CFAP54: variants seen among roughly 807,000 people sequenced by gnomAD.
The protein encoded by CFAP54 is cilia- and flagella-associated protein 54.
In CFAP54, 290 loss-of-function variants were observed where a neutral mutation model predicts 370.4. That is an observed-to-expected ratio of 0.78 (90% CI 0.71 to 0.86). CFAP54 has a LOEUF of 0.86. Among genes scored for constraint, CFAP54 ranks in the 40% least tolerant of loss-of-function variants. The probability of loss-of-function intolerance (pLI) is 0.00; values close to 1 mark genes in which losing one functional copy is unlikely to be tolerated. For missense variants in CFAP54, 3,399 were observed against 3,528.7 expected (o/e 0.96, Z 0.93); for synonymous variants, 1,206 against 1,236.5 (o/e 0.98, Z 0.52).
intron 25 of CFAP54, among the ~76,000 whole-genome samples, chr12:96,595,085 C>A (rs922336517): frequency 6.6e-6 from 1 of 152,030 alleles, no homozygotes; most frequent in Non-Finnish European, 1.5e-5. Flanking sequence ...GGCTTGAGGT[C>A]CTTTTCTGAG....
At chr12:96,681,119 CCA>C (rs148319997) in intron 40 of CFAP54, among the ~76,000 whole-genome samples, 38,371 of 150,638 alleles carry the variant, frequency 0.25, 5,109 homozygotes, top group Admixed American at 0.3. Flanking sequence ...AAGCACCCCC[CCA>C]CACACACACA....
At chr12:96,597,800 A>G (rs375684619) in intron 25 of CFAP54, among the ~76,000 whole-genome samples, 5 of 151,902 alleles carry the variant, frequency 3.3e-5, no homozygotes, top group East Asian at 1.9e-4. Flanking sequence ...CCTCCTAGGT[A>G]CATTATGTTT....
chr12:96,606,812 C>T (rs183478504), intron 26 of CFAP54, among the ~76,000 whole-genome samples: 8 of 152,116 alleles, frequency 5.3e-5, no homozygotes, highest in Admixed American at 3.3e-4. Flanking sequence ...TGTTTGTTCT[C>T]GTTGCTTGGC....
At chr12:96,557,988 CTCTA>C (rs1260165231) in intron 17 of CFAP54, among the ~76,000 whole-genome samples, 2 of 151,930 alleles carry the variant, frequency 1.3e-5, no homozygotes, top group Non-Finnish European at 2.9e-5. Flanking sequence ...TATTGACACT[CTCTA>C]TCTATAAAAT....
chr12:96,736,811 A>G (rs569788455), intron 50 of CFAP54, among the ~76,000 whole-genome samples: 5 of 152,308 alleles, frequency 3.3e-5, no homozygotes, highest in African/African-American at 1.2e-4. Context: ...AACAGCCATA[A>G]ATATGATACT....
rs549101757 is a variant in CFAP54 at position 96,684,537 on chromosome 12, T to G, written c.5717-111T>G. 7.1e-5 allele frequency: 56 copies of G among 784,724 alleles called. No individual in the cohort carries two copies. In the East Asian group the frequency reaches 1.4e-3, roughly 20 times the overall value. 48.6% of individuals were successfully genotyped at this position (784,724 alleles called of 1,614,324 possible). On this transcript the variant is annotated intron_variant, in intron 40 of 67. Transcript: ENST00000524981. ...AGGCGCTGTTAACTTGCAGTTTGCT[T>G]ATTGCAATCTACACAGTTAAGGAAT...
At chr12:96,835,260 G>T (rs1006404075) in intron 66 of CFAP54, among the ~76,000 whole-genome samples, 1 of 152,030 alleles carries the variant, frequency 6.6e-6, no homozygotes, top group African/African-American at 2.4e-5. Flanking sequence ...GACGTCTCCT[G>T]CTATCAGCAG....
intron 39 of CFAP54, among the ~76,000 whole-genome samples, chr12:96,665,164 G>T (rs1353880895): frequency 6.6e-6 from 1 of 151,072 alleles, no homozygotes; most frequent in Non-Finnish European, 1.5e-5. Flanking sequence ...GTTTAATGGG[G>T]TTGTTTTTTT....
chr12:96,553,214 T>C (rs2136399664), intron 15 of CFAP54, among the ~76,000 whole-genome samples: 1 of 152,276 alleles, frequency 6.6e-6, no homozygotes, highest in Non-Finnish European at 1.5e-5. Context: ...TAGTTTTGTG[T>C]TCATAACCAA....
chr12:96,753,630 T>TTA (rs1958215726), intron 55 of CFAP54, 113 bp from the exon 56 acceptor site: 1 of 1,041,626 alleles, frequency 9.6e-7, no homozygotes, highest in Non-Finnish European at 1.4e-6. Flanking sequence ...CTGTAAAAAC[T>TTA]ACCAAAGTTC....
chr12:96,641,857 G>T (rs1641704), intron 32 of CFAP54, among the ~76,000 whole-genome samples: 38,012 of 150,464 alleles, frequency 0.25, 5,526 homozygotes, highest in East Asian at 0.5. Flanking sequence ...ATGTTCTCAC[G>T]CATAGGTGGG....
At chr12:96,680,092 G>A (rs936143623) in intron 40 of CFAP54, among the ~76,000 whole-genome samples, 4 of 152,094 alleles carry the variant, frequency 2.6e-5, no homozygotes, top group East Asian at 3.8e-4. Context: ...ATAAGTAGAC[G>A]GATTGAATCA....
At chr12:96,612,452 C>G (rs552762297) in intron 26 of CFAP54, among the ~76,000 whole-genome samples, 1 of 152,248 alleles carries the variant, frequency 6.6e-6, no homozygotes, top group South Asian at 2.1e-4. Context: ...TTGTAAAGAC[C>G]ATCGATGCTA....
intron 19 of CFAP54, among the ~76,000 whole-genome samples, chr12:96,565,444 T>C (rs1267366887): frequency 6.6e-6 from 1 of 152,060 alleles, no homozygotes; most frequent in Non-Finnish European, 1.5e-5. Context: ...TATGCTGGCA[T>C]TGGCTGAGTG....
chr12:96,626,924 A>T lies in CFAP54; in HGVS notation c.4088A>T (p.His1363Leu). The T allele has an allele frequency of 7.2e-7, 1 of 1,388,686 alleles. No homozygotes were observed. The highest frequency in any genetic ancestry group is 9.4e-7 in the Non-Finnish European group (1 of 1,063,014). The allele number at this position is 1,388,686 out of a possible 1,614,324, so 86.0% of individuals were successfully genotyped here. A position where few individuals can be genotyped will look rare whatever the true frequency, so the allele number is the denominator to read the frequency against. Residue 1363 changes from histidine (H) to leucine (L), a missense_variant, in exon 30 of 68, where the codon CAT (histidine) becomes CTT (leucine). This residue lies in a region of CFAP54 where 2,796 missense variants were observed against 2,869.7 expected (regional missense o/e 0.97). Transcript: ENST00000524981. ...ATGGTAGAGGTAACAACTCCTGTCC[A>T]TGACTTCTTGAAAAGGTACTTGCAA... ...HLMVEVTTPV[H>L]DFLKRRNESL...
intron 17 of CFAP54, among the ~76,000 whole-genome samples, chr12:96,560,068 C>T (rs545266560): frequency 4.3e-4 from 65 of 152,218 alleles, no homozygotes; most frequent in Admixed American, 3.9e-3. Context: ...ATGTACAAAA[C>T]TCAACCCAGG....
At chr12:96,796,926 G>A (rs1958769067) in intron 63 of CFAP54, among the ~76,000 whole-genome samples, 1 of 151,960 alleles carries the variant, frequency 6.6e-6, no homozygotes, top group African/African-American at 2.4e-5. Flanking sequence ...GTTTAGCTCA[G>A]TATTCAGCTT....
At chr12:96,555,925 A>G (rs1955746663) in intron 17 of CFAP54, among the ~76,000 whole-genome samples, 1 of 152,000 alleles carries the variant, frequency 6.6e-6, no homozygotes, top group African/African-American at 2.4e-5. Flanking sequence ...GGTAGAAGAC[A>G]TAAATAGCTA....
At chr12:96,664,761 A>ATATCTG (rs1957053438) in intron 39 of CFAP54, among the ~76,000 whole-genome samples, 1 of 64,860 alleles carries the variant, frequency 1.5e-5, no homozygotes, top group Non-Finnish European at 2.9e-5. Flanking sequence ...ATATCTATAT[A>ATATCTG]TATCTATATC....
Sources: allele counts gnomAD v4.1 joint callset (sites outside exome capture counted in the v4.1 genomes callset), GRCh38; gene constraint gnomAD v4.1.1; regional missense constraint gnomAD v4.1.1; transcripts MANE v1.5; gene names NCBI Gene and HGNC (gene_info 2026-07-23, HGNC 2026-07-21).